The following DPYD variants were observed in gnomAD, a reference collection of about 807,000 sequenced individuals.
DPYD encodes the protein dihydropyrimidine dehydrogenase [NADP(+)].
DPYD carries 109 observed loss-of-function variants against 116.2 expected under a neutral mutation model. The ratio of observed to expected loss-of-function variants is 0.94; its 90% CI spans 0.80 to 1.10. The LOEUF (loss-of-function observed/expected upper bound fraction) is 1.10, where lower values mean the gene tolerates loss of function less well. DPYD is among the 50% of genes least tolerant of loss of function. DPYD has a pLI of 0.00. For missense variants in DPYD, 1,302 were observed against 1,254.5 expected (o/e 1.04, Z -0.57); for synonymous variants, 440 against 432.0 (o/e 1.02, Z -0.23).
At chr1:97,158,472 G>GAC (rs58771302) in intron 20 of DPYD, among the ~76,000 whole-genome samples, 16,224 of 111,798 alleles carry the variant, frequency 0.15, 1,427 homozygotes, top group East Asian at 0.19. Flanking sequence ...TAACTCACCA[G>GAC]ACACACACAC....
chr1:97,220,449 A>G (rs1419300610), intron 19 of DPYD, among the ~76,000 whole-genome samples: 1 of 152,164 alleles, frequency 6.6e-6, no homozygotes, highest in Non-Finnish European at 1.5e-5. Flanking sequence ...TGAGTATTCT[A>G]AGTAACAGAA....
At chr1:97,112,298 A>G (rs996292430) in intron 20 of DPYD, among the ~76,000 whole-genome samples, 2 of 152,158 alleles carry the variant, frequency 1.3e-5, no homozygotes, top group African/African-American at 2.4e-5. Context: ...TACGTGATGG[A>G]GAACTGCTTA....
intron 19 of DPYD, 110 bp downstream of exon 19, chr1:97,234,742 C>A: frequency 7.3e-7 from 1 of 1,376,226 alleles, no homozygotes; most frequent in Admixed American, 2.0e-5. Context: ...TCCCAAATGG[C>A]CTCCTTTTCA....
At position 97,665,861 on chromosome 1, in the gene DPYD, T is replaced by A. The variant is rs182219840; in HGVS notation, c.850+13234A>T. Among the ~76,000 whole-genome samples, 3 of 152,296 alleles carry A rather than the reference T, an allele frequency of 2.0e-5. No individual in the cohort carries two copies. The East Asian group carries it at 5.8e-4, about 29-fold the overall frequency. ...CCTGAGCACCTTGAATAAAAGGAAC[T>A]ATGCTCTGGATGGCTTTTTGTTATT... On this transcript the variant is annotated intron_variant, in intron 8 of 22. Transcript: ENST00000370192.
intron 13 of DPYD, among the ~76,000 whole-genome samples, chr1:97,472,145 A>G (rs1229817704): frequency 1.3e-5 from 2 of 152,184 alleles, no homozygotes; most frequent in African/African-American, 4.8e-5. Context: ...AGATGGGATA[A>G]TGTGCACAAT....
chr1:97,155,300 A>G (rs1355558033), intron 20 of DPYD, among the ~76,000 whole-genome samples: 1 of 152,178 alleles, frequency 6.6e-6, no homozygotes, highest in Non-Finnish European at 1.5e-5. Flanking sequence ...CATAAGTCTG[A>G]CTTTGGAATC....
intron 5 of DPYD, among the ~76,000 whole-genome samples, chr1:97,717,477 G>T (rs1248770350): frequency 6.6e-6 from 1 of 151,912 alleles, no homozygotes; most frequent in African/African-American, 2.4e-5. Flanking sequence ...TGGGGAACAG[G>T]TGACTTTTTG....
At chr1:97,701,797 T>G (rs1661612927) in intron 5 of DPYD, among the ~76,000 whole-genome samples, 1 of 151,856 alleles carries the variant, frequency 6.6e-6, no homozygotes, top group Non-Finnish European at 1.5e-5. Context: ...ATTTTGTCAT[T>G]TTCATTCTAA....
chr1:97,593,292 G>C lies in DPYD; in HGVS notation c.1054C>G (p.Leu352Val), dbSNP rs190577302. The C allele has an allele frequency of 3.7e-6, 6 of 1,614,130 alleles. No individual in the cohort carries two copies. The highest frequency in any genetic ancestry group is 3.3e-5 in the Admixed American group (2 of 60,024). Reference protein sequence around the residue: ...DTAFDCATSALRCGARRVFIV... With the variant: ...DTAFDCATSAVRCGARRVFIV... ...AACACACGGCGAGCTCCACAACGTA[G>C]AGCAGATGTTGCACAGTCAAAGGCA... Residue 352 changes from leucine to valine, a missense_variant, in exon 10 of 23, where the codon CTA becomes GTA. Leu to Val is a conservative substitution (Grantham distance 32, BLOSUM62 1). Coordinates refer to ENST00000370192, the MANE Select transcript of DPYD (RefSeq NM_000110.4).
chr1:97,704,751 C>T (rs1661819236), intron 5 of DPYD, among the ~76,000 whole-genome samples: 1 of 151,816 alleles, frequency 6.6e-6, no homozygotes, highest in Non-Finnish European at 1.5e-5. Context: ...AGAAAGACCC[C>T]TCTTTTTTTC....
intron 19 of DPYD, among the ~76,000 whole-genome samples, chr1:97,227,879 A>G (rs1158349622): frequency 6.6e-6 from 1 of 152,034 alleles, no homozygotes; most frequent in Non-Finnish European, 1.5e-5. Flanking sequence ...GTGATATACA[A>G]TATTTTGTGA....
chr1:97,366,296 G>A (rs1557661011), intron 16 of DPYD, among the ~76,000 whole-genome samples: 1 of 152,084 alleles, frequency 6.6e-6, no homozygotes, highest in Non-Finnish European at 1.5e-5. Flanking sequence ...ATTAGAGATA[G>A]TTTTTCTCAT....
chr1:97,376,393 CTAAT>C (rs1409609813), intron 15 of DPYD, among the ~76,000 whole-genome samples: 2 of 152,108 alleles, frequency 1.3e-5, no homozygotes, highest in African/African-American at 2.4e-5. Flanking sequence ...TTTTCACTGA[CTAAT>C]TATTATAATT....
chr1:97,126,406 T>C (rs1187345372), intron 20 of DPYD, among the ~76,000 whole-genome samples: 1 of 152,140 alleles, frequency 6.6e-6, no homozygotes, highest in African/African-American at 2.4e-5. Flanking sequence ...TCTCCACTTG[T>C]TCACACTCAA....
At chr1:97,233,884 T>C (rs1351762085) in intron 19 of DPYD, among the ~76,000 whole-genome samples, 1 of 152,220 alleles carries the variant, frequency 6.6e-6, no homozygotes, top group African/African-American at 2.4e-5. Context: ...TTCCATCTTC[T>C]TGGAAGCAGA....
At chr1:97,459,392 G>T (rs1676891372) in intron 13 of DPYD, among the ~76,000 whole-genome samples, 1 of 152,034 alleles carries the variant, frequency 6.6e-6, no homozygotes, top group Non-Finnish European at 1.5e-5. Flanking sequence ...ATTGTCAGGG[G>T]TTTAATAGAA....
At chr1:97,250,520 T>C (rs969112745) in intron 18 of DPYD, among the ~76,000 whole-genome samples, 3 of 152,110 alleles carry the variant, frequency 2.0e-5, no homozygotes, top group Admixed American at 2.0e-4. Context: ...ATAAACACAT[T>C]TTGGTCAATC....
chr1:97,458,347 CAAGATATTG>C (rs1369600643), intron 13 of DPYD, among the ~76,000 whole-genome samples: 1 of 152,116 alleles, frequency 6.6e-6, no homozygotes, highest in Non-Finnish European at 1.5e-5. Context: ...ACATGGTTAA[CAAGATATTG>C]AAAGGAATCC....
At chr1:97,092,563 G>T (rs1314958412) in intron 21 of DPYD, among the ~76,000 whole-genome samples, 7 of 151,982 alleles carry the variant, frequency 4.6e-5, no homozygotes, top group African/African-American at 1.7e-4. Flanking sequence ...CTTCTTCATA[G>T]AGTATTAGGT....
Sources: gnomAD v4.1 joint callset for allele counts (sites outside exome capture counted in the v4.1 genomes callset) on GRCh38, gnomAD v4.1.1 for gene constraint, MANE v1.5 for transcripts, NCBI Gene and HGNC (gene_info 2026-07-23, HGNC 2026-07-21) for gene names.